DNAAF1: variants seen among roughly 807,000 people sequenced by gnomAD.
DNAAF1 encodes dynein axonemal assembly factor 1, also known as dynein assembly factor 1, axonemal.
Under a neutral mutation model 71.1 loss-of-function variants are expected in DNAAF1, and 65 were observed. The observed-to-expected ratio is 0.91, with a 90% CI of 0.75 to 1.12. DNAAF1 has a LOEUF of 1.12. DNAAF1 is among the 50% of genes most tolerant of loss of function. The pLI is 0.00. For synonymous variants in DNAAF1, 414 were observed against 354.6 expected (o/e 1.17, Z -1.88); for missense variants, 1,178 against 899.8 (o/e 1.31, Z -3.96).
intron 1 of DNAAF1, 112 bp downstream of exon 1, chr16:84,145,676 T>G (rs2086865400): frequency 7.6e-7 from 1 of 1,324,056 alleles, no homozygotes; most frequent in South Asian, 1.4e-5. Context: ...ATAACAATAA[T>G]AATAATGGTA....
intron 8 of DNAAF1, among the ~76,000 whole-genome samples, chr16:84,171,263 C>A (rs1384674433): frequency 6.6e-6 from 1 of 152,024 alleles, no homozygotes; most frequent in Admixed American, 6.6e-5. Flanking sequence ...TAGTGAGAAG[C>A]CCCCTTCCCC....
rs1425789236 is a variant in DNAAF1, at chr16:84,175,691, G to A, written c.1699-242G>A. The A allele has an allele frequency of 3.3e-5, 18 of 551,110 alleles. No individual in the cohort carries two copies. The East Asian group carries it at 5.4e-4, about 17-fold the overall frequency. The allele number at this position is 551,110 out of a possible 1,614,324, so 34.1% of individuals were successfully genotyped here. ...GCGCCCTCTCAGGTACCAGGAGGGTGAGGAATAGCCAGTGGCTGGGGGAGC... is the reference window on the plus strand; with the variant it reads ...GCGCCCTCTCAGGTACCAGGAGGGTAAGGAATAGCCAGTGGCTGGGGGAGC... On this transcript the variant is annotated intron_variant, in intron 10 of 11. Transcript: ENST00000378553.
At chr16:84,149,179 GA>G in intron 2 of DNAAF1, 37 bp downstream of exon 2, 3 of 1,613,152 alleles carry the variant, frequency 1.9e-6, no homozygotes, top group Non-Finnish European at 2.5e-6. Context: ...CACATTTATG[GA>G]GTAAGGTAGA....
intron 6 of DNAAF1, among the ~76,000 whole-genome samples, chr16:84,162,863 CCCT>C (rs1007251542): frequency 4.0e-5 from 6 of 151,892 alleles, no homozygotes; most frequent in African/African-American, 1.5e-4. Flanking sequence ...GCAGCCAACC[CCCT>C]ATTTCTCGCT....
chr16:84,163,579 C>T (rs888384220), intron 6 of DNAAF1, among the ~76,000 whole-genome samples: 1 of 152,000 alleles, frequency 6.6e-6, no homozygotes, highest in Non-Finnish European at 1.5e-5. Flanking sequence ...CAGGGTTTCA[C>T]CATGTTGGCC....
chr16:84,152,647 C>CAA lies in DNAAF1; in HGVS notation c.353-1910_353-1909dup, dbSNP rs574069319. On this transcript the variant is annotated intron_variant, in intron 3 of 11. Transcript: ENST00000378553. ...TAGGCGACAGAGCAAGATTCTGTCT[C>CAA]AAAAAAAAAAAAAAAAAAAAAGTTG... 5.0e-3 allele frequency among the ~76,000 whole-genome samples: 340 copies of CAA among 68,102 alleles called. 2 individuals carry two copies. The highest frequency in any genetic ancestry group is 0.016 in the African/African-American group (306 of 18,964). 44.7% of individuals were successfully genotyped at this position (68,102 alleles called of 152,430 possible).
chr16:84,174,751 C>T, intron 10 of DNAAF1, 29 bp downstream of exon 10: 1 of 1,614,134 alleles, frequency 6.2e-7, no homozygotes, highest in Non-Finnish European at 8.5e-7. Flanking sequence ...CATTTTCCCA[C>T]AGGCAGCTTA....
At position 84,177,792 on chromosome 16, in the gene DNAAF1, C is replaced by T; in HGVS notation, c.2129C>T (p.Ala710Val). 1 of 1,614,104 alleles carries T rather than the reference C, an allele frequency of 6.2e-7. No homozygotes were observed. ...GTCGGAGTTGCCCAGCCCAGCCAAGCTCTGCCCACGTGGGACCTCACTGCA... is the reference window on the plus strand; with the variant it reads ...GTCGGAGTTGCCCAGCCCAGCCAAGTTCTGCCCACGTGGGACCTCACTGCA... ...TCVGVAQPSQ[A>V]LPTWDLTAFP... Residue 710 changes from alanine to valine, a missense_variant, in exon 12 of 12, where the codon GCT becomes GTT. By Grantham distance (64) the Ala-to-Val change is moderately conservative. Transcript: ENST00000378553.
At chr16:84,145,754 G>A (rs1055833648) in intron 1 of DNAAF1, among the ~76,000 whole-genome samples, 190 bp downstream of exon 1, 12 of 152,200 alleles carry the variant, frequency 7.9e-5, no homozygotes, top group Admixed American at 4.6e-4. Context: ...TACTTAAGAG[G>A]TTACAAAACT....
intron 1 of DNAAF1, among the ~76,000 whole-genome samples, chr16:84,145,821 G>C (rs1284623180): frequency 6.6e-6 from 1 of 152,176 alleles, no homozygotes; most frequent in Non-Finnish European, 1.5e-5. Flanking sequence ...GGCCGGGTGC[G>C]GTGGCTCAAC....
rs2088262782 is a variant in DNAAF1, at chr16:84,170,325, A to C, written c.1497A>C (p.Pro499=). ...AGGGGACCCTCCCAGCTGAGGCCCC[A>C]CCACCACCGCCCCTGGGAGCTGCCA... ...EPEGTLPAEA[P]PPPPLGAARE... is the part of the protein sequence containing the mutation. Residue 499 remains proline, a synonymous_variant, in exon 8 of 12, where the codon CCA becomes CCC. Transcript: ENST00000378553. The C allele has an allele frequency of 6.2e-7, 1 of 1,611,730 alleles. No individual in the cohort carries two copies. Among genetic ancestry groups the C allele is most frequent in the Non-Finnish European group, 8.5e-7 (1 of 1,179,152 alleles).
At chr16:84,149,488 G>A (rs564907728) in intron 2 of DNAAF1, among the ~76,000 whole-genome samples, 22 of 151,338 alleles carry the variant, frequency 1.5e-4, no homozygotes, top group African/African-American at 4.4e-4. Context: ...TCAGGAGTTC[G>A]AGACCAGCCT....
intron 2 of DNAAF1, 71 bp downstream of exon 2, chr16:84,149,213 G>A (rs961058498): frequency 1.2e-5 from 19 of 1,580,080 alleles, no homozygotes; most frequent in African/African-American, 1.3e-5. Context: ...CCCCTTGTAC[G>A]GATAATGAAA....
chr16:84,149,010 T>C lies in DNAAF1; in HGVS notation c.128T>C (p.Ile43Thr). 1 of 1,614,038 alleles carries C rather than the reference T, an allele frequency of 6.2e-7. No homozygotes were observed. Among genetic ancestry groups the C allele is most frequent in the South Asian group, 1.1e-5 (1 of 91,078 alleles). Residue 43 changes from isoleucine (I) to threonine (T), a missense_variant, in exon 2 of 12, where the codon ATT (isoleucine) becomes ACT (threonine). Physicochemically the swap from Ile to Thr is moderately conservative, Grantham distance 89 (BLOSUM62 -1). Transcript: ENST00000378553. Reference sequence around the variant, plus strand: ...CCTGATCTCTTTTATTTTACAGAAATTAATGATCCTAAGGAAATATGTGTG... The same window carrying C: ...CCTGATCTCTTTTATTTTACAGAAACTAATGATCCTAAGGAAATATGTGTG... Reference protein sequence around the residue: ...SAGRGGCKEEINDPKEICVGS... With the variant: ...SAGRGGCKEETNDPKEICVGS...
chr16:84,177,752 C>A lies in DNAAF1; in HGVS notation c.2089C>A (p.Pro697Thr), dbSNP rs768350000. The change falls in exon 12 of 12, where the codon CCC (proline) becomes ACC (threonine). Residue 697 changes from proline (P) to threonine (T), a missense_variant. Pro to Thr is a conservative substitution (Grantham distance 38). Transcript: ENST00000378553. ...SPVPTESAATPPETCVGVAQP... is the reference protein window; with the variant it reads ...SPVPTESAATTPETCVGVAQP... ...AGTGCCGACTGAGAGCGCCGCCACACCCCCAGAGACGTGTGTCGGAGTTGC... is the reference window on the plus strand; with the variant it reads ...AGTGCCGACTGAGAGCGCCGCCACAACCCCAGAGACGTGTGTCGGAGTTGC... The A allele has an allele frequency of 4.3e-6, 7 of 1,613,954 alleles. No homozygotes were observed. Among genetic ancestry groups the A allele is most frequent in the South Asian group, 1.1e-5 (1 of 91,082 alleles).
rs764779073 is a variant in DNAAF1, at chr16:84,176,318, G to A, written c.2065+19G>A. The A allele has an allele frequency of 1.2e-6, 2 of 1,612,884 alleles. No homozygotes were observed. The highest frequency in any genetic ancestry group is 1.1e-5 in the South Asian group (1 of 91,052). ...TCTCCGGGTAAGAGCGTGGGGCCGA[G>A]AGCACAGTGGAGACAATGTTGGCTC... On this transcript the variant is annotated intron_variant, in intron 11 of 11. Transcript: ENST00000378553.
Position 84,155,679 on chromosome 16 carries a change from T to C in DNAAF1, c.671T>C (p.Val224Ala). The change falls in exon 5 of 12, where the codon GTC (valine) becomes GCC (alanine). Residue 224 changes from valine to alanine, a missense_variant. Coordinates refer to ENST00000378553, the MANE Select transcript of DNAAF1 (RefSeq NM_178452.6). Reference sequence around the variant, plus strand: ...CTACAAGAGTGTTTGAGGCTTTGTGTCCTTGACCTTTCGCACAACAAGCTG... The same window carrying C: ...CTACAAGAGTGTTTGAGGCTTTGTGCCCTTGACCTTTCGCACAACAAGCTG... ...QHLQECLRLC[V>A]LDLSHNKLSD... The C allele has an allele frequency of 6.2e-7, 1 of 1,614,172 alleles. No homozygotes were observed.
chr16:84,161,315 G>A (rs543744109), intron 6 of DNAAF1, among the ~76,000 whole-genome samples: 16 of 152,278 alleles, frequency 1.1e-4, no homozygotes, highest in Non-Finnish European at 1.8e-4. Flanking sequence ...AAGTAACATG[G>A]ATGTTAGCAA....
At chr16:84,157,138 T>C (rs2087477629) in intron 5 of DNAAF1, among the ~76,000 whole-genome samples, 2 of 152,198 alleles carry the variant, frequency 1.3e-5, no homozygotes, top group African/African-American at 2.4e-5. Flanking sequence ...AACCTTTCTT[T>C]TTTTCAGTAT....
Sources: allele counts gnomAD v4.1 joint callset (sites outside exome capture counted in the v4.1 genomes callset), GRCh38; gene constraint gnomAD v4.1.1; transcripts MANE v1.5; gene names NCBI Gene and HGNC (gene_info 2026-07-23, HGNC 2026-07-21).